The following SAMD12 variants were observed in gnomAD, a reference collection of about 807,000 sequenced individuals.
SAMD12 encodes sterile alpha motif domain-containing protein 12.
SAMD12 carries 9 observed loss-of-function variants against 15.0 expected under a neutral mutation model. The observed-to-expected ratio is 0.60, with a 90% CI of 0.36 to 1.05. SAMD12 has a LOEUF of 1.05. SAMD12 is among the 50% of genes least tolerant of loss of function. SAMD12 has a pLI of 0.01. For synonymous variants in SAMD12, 86 were observed against 90.1 expected (o/e 0.96, Z 0.25); for missense variants, 230 against 234.2 (o/e 0.98, Z 0.12).
chr8:118,462,039 A>G (rs1342208744), intron 2 of SAMD12, among the ~76,000 whole-genome samples: 1 of 152,244 alleles, frequency 6.6e-6, no homozygotes, highest in Non-Finnish European at 1.5e-5. Context: ...TAAATGGTAG[A>G]ATACCTGCAT....
At chr8:118,266,375 T>C (rs1813200066) in intron 4 of SAMD12, among the ~76,000 whole-genome samples, 1 of 152,148 alleles carries the variant, frequency 6.6e-6, no homozygotes, top group African/African-American at 2.4e-5. Flanking sequence ...AGGAAAACCC[T>C]TGCACACTGT....
At chr8:118,409,524 T>C (rs1378805841) in intron 3 of SAMD12, among the ~76,000 whole-genome samples, 1 of 151,560 alleles carries the variant, frequency 6.6e-6, no homozygotes, top group East Asian at 2.0e-4. Context: ...CATTAGGATA[T>C]GACAAGGAAA....
the SAMD12 span, among the ~76,000 whole-genome samples, chr8:118,183,776 C>G: frequency 4.6e-5 from 7 of 152,052 alleles, no homozygotes; most frequent in African/African-American, 1.7e-4. Flanking sequence ...ACTCATCACC[C>G]AAGTAGTGTA....
chr8:118,300,178 T>A (rs1191462543), intron 4 of SAMD12, among the ~76,000 whole-genome samples: 3 of 152,160 alleles, frequency 2.0e-5, no homozygotes, highest in East Asian at 3.9e-4. Context: ...ACATTCAATA[T>A]CCTCCTTGTA....
At chr8:118,240,425 T>C (rs1203610414) in intron 4 of SAMD12, among the ~76,000 whole-genome samples, 2 of 152,148 alleles carry the variant, frequency 1.3e-5, no homozygotes, top group Non-Finnish European at 2.9e-5. Flanking sequence ...ATACAGAAAT[T>C]CATTTTTGGA....
At chr8:118,373,738 C>G (rs1391156870), downstream of SAMD12, among the ~76,000 whole-genome samples, 1 of 152,096 alleles carries the variant, frequency 6.6e-6, no homozygotes, top group Non-Finnish European at 1.5e-5. Flanking sequence ...ATCTACTACT[C>G]ACATCTGCCT....
intron 2 of SAMD12, among the ~76,000 whole-genome samples, chr8:118,485,439 A>G (rs1358166200): frequency 1.3e-5 from 2 of 152,166 alleles, no homozygotes; most frequent in Admixed American, 1.3e-4. Context: ...ACAAGAACAC[A>G]ATTTTACCCA....
chr8:118,254,532 G>A (rs904820489), intron 4 of SAMD12, among the ~76,000 whole-genome samples: 1 of 151,992 alleles, frequency 6.6e-6, no homozygotes, highest in African/African-American at 2.4e-5. Context: ...TTAATAACAC[G>A]CATCTAAATT....
rs375250542 is a variant in SAMD12, at chr8:118,529,373, G to A, written c.192+51342C>T. The stretch of plus-strand genomic sequence containing the variant: ...TTGGGCTTTCATTGTCACAAGGTTT[G>A]AAACTGCATTCTCTTACATTTATTT... On this transcript the variant is annotated intron_variant, in intron 2 of 3. Transcript: ENST00000314727. Among the ~76,000 whole-genome samples, 55 of 152,310 alleles carry A rather than the reference G, an allele frequency of 3.6e-4. No individual in the cohort carries two copies. The South Asian group carries it at 0.011, about 30-fold the overall frequency.
chr8:118,517,575 G>A lies in SAMD12; in HGVS notation c.192+63140C>T, dbSNP rs890269941. 2.0e-5 allele frequency among the ~76,000 whole-genome samples: 3 copies of A among 152,324 alleles called. No homozygotes were observed. In the East Asian group the frequency reaches 5.8e-4, roughly 29 times the overall value. On this transcript the variant is annotated intron_variant, in intron 2 of 3. Coordinates refer to ENST00000314727, the MANE Select transcript of SAMD12 (RefSeq NM_207506.3). Reference sequence around the variant, plus strand: ...ATAATGTATCATCCAAGTGCTGACAGAACATGGGATTATTAGAAAAACCAC... The same window carrying A: ...ATAATGTATCATCCAAGTGCTGACAAAACATGGGATTATTAGAAAAACCAC...
intron 4 of SAMD12, among the ~76,000 whole-genome samples, chr8:118,360,803 TG>T (rs1020477232): frequency 6.6e-6 from 1 of 152,228 alleles, no homozygotes; most frequent in African/African-American, 2.4e-5. Flanking sequence ...TAATTGCATT[TG>T]TTTTTTTCTT....
At chr8:118,140,718 C>T in the SAMD12 span, among the ~76,000 whole-genome samples, 1 of 152,210 alleles carries the variant, frequency 6.6e-6, no homozygotes, top group Non-Finnish European at 1.5e-5. Context: ...TTTCTAGCCT[C>T]TTTTGCAGTT....
chr8:118,191,809 TATAGAGAGAG>T (rs1819406668), exon 5 of SAMD12: 1 of 11,916 alleles, frequency 8.4e-5, no homozygotes, highest in African/African-American at 2.2e-4. Context: ...TATATATATA[TATAGAGAGAG>T]AGAGAGAGAG....
the SAMD12 span, among the ~76,000 whole-genome samples, chr8:118,164,763 GT>G: frequency 3.9e-3 from 594 of 150,916 alleles, 4 homozygotes; most frequent in African/African-American, 0.014. Flanking sequence ...AATAATGTCT[GT>G]TTTTTTGTTC....
chr8:118,618,042 T>TA (rs112337429), intron 1 of SAMD12, among the ~76,000 whole-genome samples: 5 of 105,070 alleles, frequency 4.8e-5, no homozygotes, highest in South Asian at 3.3e-4. Flanking sequence ...TTTTTTTTTT[T>TA]AAAAAAAGGC....
intron 2 of SAMD12, among the ~76,000 whole-genome samples, chr8:118,461,148 C>T (rs1031871764): frequency 4.6e-5 from 7 of 152,206 alleles, no homozygotes; most frequent in African/African-American, 9.7e-5. Flanking sequence ...AATTAGAGTG[C>T]CTTTCCCAGT....
At chr8:118,432,226 G>C (rs1822438203) in intron 3 of SAMD12, among the ~76,000 whole-genome samples, 1 of 152,074 alleles carries the variant, frequency 6.6e-6, no homozygotes, top group African/African-American at 2.4e-5. Flanking sequence ...CCTAACATCT[G>C]TGTCATATCT....
chr8:118,460,683 G>C (rs1191065451), intron 2 of SAMD12, among the ~76,000 whole-genome samples: 1 of 152,142 alleles, frequency 6.6e-6, no homozygotes, highest in Non-Finnish European at 1.5e-5. Flanking sequence ...CATTACTGGA[G>C]GGAGAAGTGC....
At chr8:118,157,934 T>C in the SAMD12 span, among the ~76,000 whole-genome samples, 88 of 152,310 alleles carry the variant, frequency 5.8e-4, 1 homozygote, top group African/African-American at 2.0e-3. Context: ...TAGGTGAGCC[T>C]TATCATTGCT....
Sources: allele counts gnomAD v4.1 joint callset (sites outside exome capture counted in the v4.1 genomes callset), GRCh38; gene constraint gnomAD v4.1.1; transcripts MANE v1.5; gene names NCBI Gene and HGNC (gene_info 2026-07-23, HGNC 2026-07-21).